The following LINGO2 variants were observed in gnomAD, a reference collection of about 807,000 sequenced individuals.
The protein encoded by LINGO2 is leucine rich repeat and Ig domain containing 2.
A neutral mutation model predicts 30.6 loss-of-function variants in LINGO2; 14 were observed. The ratio of observed to expected loss-of-function variants is 0.46; its 90% CI spans 0.30 to 0.72. The LOEUF is 0.72. LINGO2 is among the 30% of genes least tolerant of loss of function. LINGO2 has a pLI of 0.07. For synonymous variants in LINGO2, 317 were observed against 288.5 expected, an observed-to-expected ratio of 1.10 and a Z score of -1.00; for missense variants, 729 against 751.7, an observed-to-expected ratio of 0.97 and a Z score of 0.35.
chr9:28,951,259 T>C, the LINGO2 span, among the ~76,000 whole-genome samples: 2 of 151,916 alleles, frequency 1.3e-5, no homozygotes, highest in Admixed American at 1.3e-4. Flanking sequence ...ATTAAAGACT[T>C]AAACATAAGA....
chr9:29,027,314 T>C, the LINGO2 span, among the ~76,000 whole-genome samples: 1 of 152,158 alleles, frequency 6.6e-6, no homozygotes, highest in East Asian at 1.9e-4. Context: ...GTGAGGCAGA[T>C]ATGACTTTTT....
chr9:28,728,643 G>A, the LINGO2 span, among the ~76,000 whole-genome samples: 6 of 151,630 alleles, frequency 4.0e-5, no homozygotes, highest in East Asian at 7.7e-4. Context: ...TGCTAATATC[G>A]CTCTCCCCTA....
At chr9:28,565,421 G>T (rs912627076) in intron 1 of LINGO2, among the ~76,000 whole-genome samples, 1 of 151,482 alleles carries the variant, frequency 6.6e-6, no homozygotes, top group Non-Finnish European at 1.5e-5. Context: ...ATCTGACCTC[G>T]TGATACCCCT....
the LINGO2 span, among the ~76,000 whole-genome samples, chr9:28,916,625 G>C: frequency 6.6e-6 from 1 of 152,146 alleles, no homozygotes; most frequent in African/African-American, 2.4e-5. Context: ...GCCTTTTAGG[G>C]CTGAGCCAAT....
the LINGO2 span, chr9:28,888,816 C>G: frequency 3.8e-6 from 2 of 521,946 alleles, no homozygotes; most frequent in African/African-American, 1.9e-5. Flanking sequence ...GAACTGACAA[C>G]AGTGGAAGGT....
chr9:28,150,895 A>T (rs1291879119), intron 4 of LINGO2, among the ~76,000 whole-genome samples: 4 of 152,226 alleles, frequency 2.6e-5, no homozygotes, highest in Admixed American at 2.6e-4. Context: ...ATCATAGAGG[A>T]TATTAAGAAT....
intron 2 of LINGO2, among the ~76,000 whole-genome samples, chr9:28,455,623 T>C (rs1824815655): frequency 6.6e-6 from 1 of 152,116 alleles, no homozygotes; most frequent in South Asian, 2.1e-4. Flanking sequence ...GCAATGTATT[T>C]AATTTGTAAA....
chr9:28,135,915 G>GT (rs1195399028), intron 4 of LINGO2, among the ~76,000 whole-genome samples: 3 of 151,950 alleles, frequency 2.0e-5, no homozygotes, highest in Non-Finnish European at 4.4e-5. Context: ...CTGAGATTTT[G>GT]TTTTTTTCCC....
chr9:28,885,384 TAC>T, the LINGO2 span, among the ~76,000 whole-genome samples: 111,096 of 144,888 alleles, frequency 0.77, 42,967 homozygotes, highest in Non-Finnish European at 0.82. Context: ...CATATATATA[TAC>T]ACATACATAC....
At chr9:29,003,954 C>A in the LINGO2 span, among the ~76,000 whole-genome samples, 1 of 151,978 alleles carries the variant, frequency 6.6e-6, no homozygotes, top group Non-Finnish European at 1.5e-5. Context: ...TCATGATCTA[C>A]AAAATCTAAA....
chr9:29,039,906 C>T, the LINGO2 span, among the ~76,000 whole-genome samples: 1 of 152,108 alleles, frequency 6.6e-6, no homozygotes, highest in Admixed American at 6.6e-5. Context: ...GGAATAATAG[C>T]ATTTCAACTG....
rs537438656 is a variant in LINGO2, at chr9:28,075,464, G to T, written c.-86-63059C>A. On this transcript the variant is annotated intron_variant, in intron 4 of 5. Coordinates refer to ENST00000379992, the Ensembl canonical transcript of LINGO2. ...TTCCTAGATCATATATCTAGGAAAAGAATTGCTAGTTAATTAACTGTGCCC... is the reference window on the plus strand; with the variant it reads ...TTCCTAGATCATATATCTAGGAAAATAATTGCTAGTTAATTAACTGTGCCC... Among the ~76,000 whole-genome samples the T allele has an allele frequency of 3.3e-5, 5 of 152,000 alleles. No individual in the cohort carries two copies. The East Asian group carries it at 7.7e-4, about 24-fold the overall frequency.
chr9:28,680,459 T>A, the LINGO2 span, among the ~76,000 whole-genome samples: 3 of 152,150 alleles, frequency 2.0e-5, no homozygotes, highest in Non-Finnish European at 4.4e-5. Flanking sequence ...TGATTTTATT[T>A]CCTTGGGATA....
intron 2 of LINGO2, among the ~76,000 whole-genome samples, chr9:28,452,890 C>T (rs1430419228): frequency 6.6e-5 from 10 of 151,688 alleles, no homozygotes; most frequent in Non-Finnish European, 1.2e-4. Context: ...AGAATAGGCA[C>T]GAGATAGTCA....
chr9:28,028,595 A>G (rs978460790), intron 4 of LINGO2, among the ~76,000 whole-genome samples: 1 of 152,150 alleles, frequency 6.6e-6, no homozygotes, highest in African/African-American at 2.4e-5. Flanking sequence ...CCCCATAGAT[A>G]CCAAAACCAG....
rs1021454639 is a variant in LINGO2, at chr9:28,130,908, G to A, written c.-86-118503C>T. Among the ~76,000 whole-genome samples the A allele has an allele frequency of 6.6e-6, 1 of 152,058 alleles. No homozygotes were observed. The highest frequency in any genetic ancestry group is 6.6e-5 in the Admixed American group (1 of 15,266). The stretch of plus-strand genomic sequence containing the variant: ...GGGCCTCACATCTATATTTGTTTCA[G>A]TTTTCTGTCTCCAAATATATAGCCT... On this transcript the variant is annotated intron_variant, in intron 4 of 5. Transcript: ENST00000379992. This position sits in a 1 kb window ranked among gnomAD's most constrained non-coding sequence, Gnocchi z 5.2.
At chr9:28,645,011 T>C (rs762198860) in intron 1 of LINGO2, among the ~76,000 whole-genome samples, 6 of 152,106 alleles carry the variant, frequency 3.9e-5, no homozygotes, top group Admixed American at 6.6e-5. Flanking sequence ...GAAGATGATA[T>C]GCATTTATAT....
intron 1 of LINGO2, among the ~76,000 whole-genome samples, chr9:28,559,310 T>C (rs992620888): frequency 6.6e-6 from 1 of 152,154 alleles, no homozygotes; most frequent in Admixed American, 6.5e-5. Flanking sequence ...CTCAGATCTT[T>C]ATTCTGAAAT....
At chr9:28,689,510 C>G in the LINGO2 span, among the ~76,000 whole-genome samples, 2 of 151,450 alleles carry the variant, frequency 1.3e-5, no homozygotes, top group Non-Finnish European at 2.9e-5. Context: ...CAATGAGATA[C>G]CATCTCACAC....
Sources: allele counts gnomAD v4.1 joint callset (sites outside exome capture counted in the v4.1 genomes callset), GRCh38; gene constraint gnomAD v4.1.1; non-coding constraint Gnocchi (gnomAD v3.1); transcripts MANE v1.5; gene names NCBI Gene and HGNC (gene_info 2026-07-23, HGNC 2026-07-21).